EPM2A: variants seen among roughly 807,000 people sequenced by gnomAD.
EPM2A encodes laforin.
EPM2A carries 21 observed loss-of-function variants against 26.5 expected under a neutral mutation model. The observed-to-expected ratio is 0.79, with a 90% confidence interval of 0.56 to 1.14. The LOEUF (loss-of-function observed/expected upper bound fraction) is 1.14. EPM2A is among the 50% of genes most tolerant of loss of function. The probability of loss-of-function intolerance (pLI) is 0.00; values close to 1 mark genes in which losing one functional copy is unlikely to be tolerated. For synonymous variants in EPM2A, 217 were observed against 177.6 expected (o/e 1.22, Z -1.76); for missense variants, 458 against 440.8 (o/e 1.04, Z -0.35).
intron 4 of EPM2A, among the ~76,000 whole-genome samples, chr6:145,410,023 C>A (rs914414910): frequency 3.3e-5 from 5 of 152,056 alleles, no homozygotes; most frequent in African/African-American, 7.2e-5. Flanking sequence ...CTCTATTGGC[C>A]CCAAAGGTCA....
intron 4 of EPM2A, among the ~76,000 whole-genome samples, chr6:145,479,808 G>A (rs530983451): frequency 3.0e-4 from 46 of 152,002 alleles, no homozygotes; most frequent in Non-Finnish European, 5.7e-4. Flanking sequence ...ACAATCCCAT[G>A]TTTAGCGTTT....
At chr6:145,532,067 G>A (rs188124356) in intron 2 of EPM2A, among the ~76,000 whole-genome samples, 1 of 152,252 alleles carries the variant, frequency 6.6e-6, no homozygotes, top group African/African-American at 2.4e-5. Flanking sequence ...TCTTTGACTG[G>A]AAAAGAATGT....
intron 1 of EPM2A, among the ~76,000 whole-genome samples, chr6:145,719,375 A>C (rs1165621796): frequency 6.6e-6 from 1 of 150,838 alleles, no homozygotes; most frequent in Non-Finnish European, 1.5e-5. Context: ...CGCAAGAACA[A>C]AAAACCAAAC....
chr6:145,530,801 C>T (rs1006841932), intron 2 of EPM2A, among the ~76,000 whole-genome samples: 1 of 152,086 alleles, frequency 6.6e-6, no homozygotes, highest in Non-Finnish European at 1.5e-5. Context: ...GAAATAGAGA[C>T]AAGGGAGTAA....
At position 145,394,889 on chromosome 6, in the gene EPM2A, T is replaced by C. The variant is rs184796976; in HGVS notation, c.556-10792A>G. Among the ~76,000 whole-genome samples the C allele has an allele frequency of 3.9e-5, 6 of 152,316 alleles. No individual in the cohort carries two copies. In the East Asian group the frequency reaches 7.7e-4, roughly 20 times the overall value. ...TTCTCAAATCTTATGAGTCGACTTA[T>C]AGGATATAAGCTTCCCCAACAATCC... On this transcript the variant is annotated intron_variant, in intron 4 of 4. Transcript: ENST00000638717.
At chr6:145,724,349 T>C (rs1387611716) in intron 1 of EPM2A, among the ~76,000 whole-genome samples, 1 of 152,118 alleles carries the variant, frequency 6.6e-6, no homozygotes, top group Non-Finnish European at 1.5e-5. Context: ...TAAAATAGCA[T>C]ACCAAAAACC....
rs1380451228 is a variant in EPM2A, at chr6:145,627,472, G to GT, written c.939dup (p.Gln314ThrfsTer17). ...CCAAATTTCTGGAAAAAATCTTCTT[G>GT]TGCCCGGGCCAAGGCCTCTTCGTCA... On this transcript the variant is annotated frameshift_variant, in exon 4 of 4. Coordinates refer to ENST00000367519, the MANE Select transcript of EPM2A (RefSeq NM_005670.4). LOFTEE classifies it high-confidence loss of function. 6.2e-7 allele frequency: 1 copy of GT among 1,614,114 alleles called. No individual in the cohort carries two copies. Among genetic ancestry groups the GT allele is most frequent in the Non-Finnish European group, 8.5e-7 (1 of 1,180,054 alleles).
At chr6:145,495,074 G>A (rs1405089098) in intron 4 of EPM2A, among the ~76,000 whole-genome samples, 1 of 152,134 alleles carries the variant, frequency 6.6e-6, no homozygotes, top group Non-Finnish European at 1.5e-5. Context: ...ATCTAACATT[G>A]TTAGTGGGAT....
intron 4 of EPM2A, among the ~76,000 whole-genome samples, chr6:145,403,326 G>A (rs536030062): frequency 6.7e-6 from 1 of 149,098 alleles, no homozygotes; most frequent in Admixed American, 6.9e-5. Context: ...TCAAATAGTA[G>A]GTCTTATTCA....
intron 2 of EPM2A, among the ~76,000 whole-genome samples, chr6:145,542,571 G>T (rs550155867): frequency 6.6e-6 from 1 of 152,342 alleles, no homozygotes; most frequent in East Asian, 1.9e-4. Flanking sequence ...GTCAGGGAAT[G>T]AAATACTTTT....
intron 4 of EPM2A, among the ~76,000 whole-genome samples, chr6:145,463,676 A>T (rs1434949052): frequency 6.6e-6 from 1 of 152,046 alleles, no homozygotes; most frequent in Non-Finnish European, 1.5e-5. Flanking sequence ...CTAACAATGG[A>T]TGTGTAGGTT....
At chr6:145,386,943 T>C (rs1351586646) in intron 4 of EPM2A, among the ~76,000 whole-genome samples, 1 of 152,146 alleles carries the variant, frequency 6.6e-6, no homozygotes. Context: ...AGTATTGACA[T>C]ACTTTAGGGG....
chr6:145,700,746 A>G (rs1044343055), intron 1 of EPM2A, among the ~76,000 whole-genome samples: 1 of 152,200 alleles, frequency 6.6e-6, no homozygotes. Context: ...TAACCCAGCT[A>G]GCTAGGTAAA....
intron 4 of EPM2A, among the ~76,000 whole-genome samples, chr6:145,470,782 G>A (rs1424471365): frequency 6.6e-6 from 1 of 152,092 alleles, no homozygotes; most frequent in East Asian, 1.9e-4. Flanking sequence ...TAATAGTCTA[G>A]CATAGGTAGT....
intron 4 of EPM2A, among the ~76,000 whole-genome samples, chr6:145,424,110 G>A (rs1250619038): frequency 6.6e-6 from 1 of 152,202 alleles, no homozygotes; most frequent in African/African-American, 2.4e-5. Flanking sequence ...GAAGCCCACA[G>A]ATAGGACCAG....
At chr6:145,533,462 T>A (rs374728) in intron 2 of EPM2A, among the ~76,000 whole-genome samples, 67,698 of 152,044 alleles carry the variant, frequency 0.45, 15,120 homozygotes, top group South Asian at 0.58. Context: ...TTTTCATTTC[T>A]TTTGGAAAAA....
At chr6:145,653,055 AC>A (rs1310252323) in intron 2 of EPM2A, among the ~76,000 whole-genome samples, 2 of 152,212 alleles carry the variant, frequency 1.3e-5, no homozygotes, top group Non-Finnish European at 2.9e-5. Flanking sequence ...AGAAAGTAAG[AC>A]AAGAGATGTA....
In EPM2A at chr6:145,495,586, T is replaced by G. The variant is rs139923999; in HGVS notation, c.555+6936A>C. Among the ~76,000 whole-genome samples, 917 of 152,180 alleles carry G rather than the reference T, an allele frequency of 6.0e-3. 2 individuals are homozygous for G. Among genetic ancestry groups the G allele is most frequent in the South Asian group, 0.014 (67 of 4,830 alleles). ...TATGCGGATGCTTTATTTATTTATT[T>G]ATTGATTTTTAGATGGAATCTTGAT... On this transcript the variant is annotated intron_variant, in intron 4 of 4. Coordinates refer to the EPM2A transcript ENST00000638717.
intron 2 of EPM2A, among the ~76,000 whole-genome samples, chr6:145,570,213 C>T (rs1051726295): frequency 6.6e-6 from 1 of 152,106 alleles, no homozygotes; most frequent in South Asian, 2.1e-4. Context: ...TACTTTGTAC[C>T]CTTCAATCCA....
Sources: gnomAD v4.1 joint callset for allele counts (sites outside exome capture counted in the v4.1 genomes callset) on GRCh38, gnomAD v4.1.1 for gene constraint, MANE v1.5 for transcripts, NCBI Gene and HGNC (gene_info 2026-07-23, HGNC 2026-07-21) for gene names.